LRP1B: variants seen among roughly 807,000 people sequenced by gnomAD.
LRP1B encodes the protein low-density lipoprotein receptor-related protein 1B.
A neutral mutation model predicts 556.6 loss-of-function variants in LRP1B; 217 were observed. That is an observed-to-expected ratio of 0.39 (90% CI 0.35 to 0.44). The LOEUF (loss-of-function observed/expected upper bound fraction) is 0.44, where lower values mean the gene tolerates loss of function less well. LRP1B is among the 20% of genes least tolerant of loss of function. The pLI is 1.00. For synonymous variants in LRP1B, 2,047 were observed against 1,865.8 expected (o/e 1.10, Z -2.50); for missense variants, 5,053 against 5,620.8 (o/e 0.90, Z 3.23).
intron 7 of LRP1B, among the ~76,000 whole-genome samples, chr2:141,123,949 G>C (rs956842131): frequency 1.3e-5 from 2 of 151,982 alleles, no homozygotes; most frequent in African/African-American, 4.8e-5. Context: ...ATAAGTGATA[G>C]AGTAAATTGT....
chr2:140,695,497 C>T (rs1686399338), intron 41 of LRP1B, among the ~76,000 whole-genome samples: 1 of 152,192 alleles, frequency 6.6e-6, no homozygotes, highest in African/African-American at 2.4e-5. Flanking sequence ...TGCTGTCTCT[C>T]TGTAGCATCT....
chr2:141,953,437 C>A (rs1292857402), intron 1 of LRP1B, among the ~76,000 whole-genome samples: 1 of 152,044 alleles, frequency 6.6e-6, no homozygotes. Flanking sequence ...CTGGAAAAAG[C>A]AGACTACCTC....
chr2:140,462,829 A>G (rs1687377975), intron 60 of LRP1B, among the ~76,000 whole-genome samples: 2 of 152,216 alleles, frequency 1.3e-5, no homozygotes, highest in African/African-American at 4.8e-5. Flanking sequence ...TATGGTGCAG[A>G]CTATCTAGCT....
intron 1 of LRP1B, among the ~76,000 whole-genome samples, chr2:142,083,560 T>C (rs1457995370): frequency 6.6e-6 from 1 of 152,230 alleles, no homozygotes; most frequent in Admixed American, 6.5e-5. Flanking sequence ...TATTTTATGC[T>C]TGATAGAATA....
intron 3 of LRP1B, among the ~76,000 whole-genome samples, chr2:141,357,110 C>T (rs2105554590): frequency 6.6e-6 from 1 of 151,586 alleles, no homozygotes; most frequent in East Asian, 1.9e-4. Flanking sequence ...GTCTGGAGTG[C>T]AGTGGTGCGA....
chr2:141,973,356 C>T (rs1018306024), intron 1 of LRP1B, among the ~76,000 whole-genome samples: 31 of 151,644 alleles, frequency 2.0e-4, no homozygotes, highest in African/African-American at 6.3e-4. Context: ...AAGAGTAATA[C>T]GAAATAGGCA....
In LRP1B at chr2:141,173,732, G is replaced by A. The variant is rs537995520; in HGVS notation, c.1013+14689C>T. ...GGTAAGATAATTAGGATGTAGCTGA[G>A]GATAGAACAGAAAAACAGAAAAAAA... On this transcript the variant is annotated intron_variant, in intron 7 of 90. Coordinates refer to ENST00000389484, the MANE Select transcript of LRP1B (RefSeq NM_018557.3). 2.0e-5 allele frequency among the ~76,000 whole-genome samples: 3 copies of A among 152,034 alleles called. No individual in the cohort carries two copies. In the East Asian group the frequency reaches 5.8e-4, roughly 30 times the overall value.
At position 140,748,784 on chromosome 2, in the gene LRP1B, A is replaced by C. The variant is rs9678188; in HGVS notation, c.5758+20429T>G. 1.6e-4 allele frequency among the ~76,000 whole-genome samples: 7 copies of C among 43,060 alleles called. 1 individual carries two copies. The highest frequency in any genetic ancestry group is 7.3e-4 in the East Asian group (1 of 1,376). 28.2% of individuals were successfully genotyped at this position (43,060 alleles called of 152,430 possible). The stretch of plus-strand genomic sequence containing the variant: ...ATATACATGTATATAATATGTATAT[A>C]ATATATATTATATACATATTATATA... On this transcript the variant is annotated intron_variant, in intron 35 of 90. Transcript: ENST00000389484.
intron 7 of LRP1B, among the ~76,000 whole-genome samples, chr2:141,072,533 A>T (rs532782742): frequency 6.6e-6 from 1 of 151,908 alleles, no homozygotes; most frequent in South Asian, 2.1e-4. Flanking sequence ...CTTCACCAGA[A>T]ATTACCTGTC....
intron 31 of LRP1B, among the ~76,000 whole-genome samples, chr2:140,837,476 T>C (rs1691945075): frequency 2.0e-5 from 3 of 152,344 alleles, no homozygotes; most frequent in African/African-American, 7.2e-5. Context: ...TAAAATAGTA[T>C]GTCTTGTACA....
chr2:140,527,618 C>T (rs1254626163), intron 47 of LRP1B, among the ~76,000 whole-genome samples: 1 of 151,490 alleles, frequency 6.6e-6, no homozygotes, highest in African/African-American at 2.4e-5. Context: ...AATGATAACA[C>T]AACATGTGAA....
intron 7 of LRP1B, among the ~76,000 whole-genome samples, chr2:141,174,379 C>G (rs1268890043): frequency 6.6e-6 from 1 of 152,054 alleles, no homozygotes; most frequent in East Asian, 1.9e-4. Context: ...CCACCCAAAT[C>G]TCACATGGAA....
At chr2:141,582,446 T>C (rs1473456021) in intron 2 of LRP1B, among the ~76,000 whole-genome samples, 1 of 152,202 alleles carries the variant, frequency 6.6e-6, no homozygotes, top group Non-Finnish European at 1.5e-5. Context: ...TTGGCCACAG[T>C]CTTTCTCATG....
intron 77 of LRP1B, among the ~76,000 whole-genome samples, chr2:140,340,850 T>G (rs923135431): frequency 6.6e-6 from 1 of 151,506 alleles, no homozygotes; most frequent in African/African-American, 2.4e-5. Context: ...TCAGTTTGTG[T>G]CTATCACCAG....
rs57220779 is a variant in LRP1B, at chr2:140,856,738, TACACACACACAC to T, written c.4580-4967_4580-4956del. Among the ~76,000 whole-genome samples the T allele has an allele frequency of 7.5e-3, 1,112 of 148,468 alleles. 13 individuals carry two copies. The highest frequency in any genetic ancestry group is 0.012 in the Non-Finnish European group (791 of 67,400). On this transcript the variant is annotated intron_variant, in intron 27 of 90. Transcript: ENST00000389484. ...ATACGCTGGCGGGAACTAAGAGAGA[TACACACACACAC>T]ACACACACACACACACACACACACA...
At chr2:142,073,210 C>T (rs1230572872) in intron 1 of LRP1B, among the ~76,000 whole-genome samples, 1 of 151,834 alleles carries the variant, frequency 6.6e-6, no homozygotes, top group African/African-American at 2.4e-5. Flanking sequence ...AGAGCATCAG[C>T]CTAGGTCTTT....
intron 2 of LRP1B, among the ~76,000 whole-genome samples, chr2:141,497,144 T>C (rs1184382058): frequency 3.3e-5 from 5 of 152,072 alleles, no homozygotes; most frequent in Non-Finnish European, 5.9e-5. Flanking sequence ...AGTAGAAATA[T>C]ATAAATGCAC....
intron 7 of LRP1B, among the ~76,000 whole-genome samples, chr2:141,149,863 G>A (rs11903235): frequency 0.036 from 5,473 of 152,294 alleles, 304 homozygotes; most frequent in African/African-American, 0.12. Flanking sequence ...TCTGTGCTAT[G>A]TATAGACAAG....
chr2:141,681,571 C>A (rs547768254), intron 2 of LRP1B, among the ~76,000 whole-genome samples: 1 of 152,070 alleles, frequency 6.6e-6, no homozygotes, highest in Non-Finnish European at 1.5e-5. Flanking sequence ...TTCTGTTGAT[C>A]TATGTGATAT....
Sources: allele counts gnomAD v4.1 joint callset (sites outside exome capture counted in the v4.1 genomes callset), GRCh38; gene constraint gnomAD v4.1.1; transcripts MANE v1.5; gene names NCBI Gene and HGNC (gene_info 2026-07-23, HGNC 2026-07-21).